The following TEAD4 variants were observed in gnomAD, a reference collection of about 807,000 sequenced individuals.
TEAD4 encodes transcriptional enhancer factor TEF-3.
TEAD4 carries 36 observed loss-of-function variants against 52.4 expected under a neutral mutation model. That is an observed-to-expected ratio of 0.69 (90% CI 0.53 to 0.91). The LOEUF is 0.91. TEAD4 is among the 40% of genes least tolerant of loss of function. The probability of loss-of-function intolerance (pLI) is 0.00; values close to 1 mark genes in which losing one functional copy is unlikely to be tolerated. For missense variants in TEAD4, 508 were observed against 583.9 expected (o/e 0.87, Z 1.34); for synonymous variants, 220 against 231.0 (o/e 0.95, Z 0.43).
At chr12:3,036,601 C>T (rs899093355) in intron 10 of TEAD4, among the ~76,000 whole-genome samples, 21 of 152,326 alleles carry the variant, frequency 1.4e-4, no homozygotes, top group African/African-American at 5.1e-4. Flanking sequence ...CGTAGGGCTG[C>T]GCTCTGGGCA....
At chr12:3,015,011 G>A (rs934461374) in intron 5 of TEAD4, among the ~76,000 whole-genome samples, 1 of 152,166 alleles carries the variant, frequency 6.6e-6, no homozygotes, top group Admixed American at 6.5e-5. Context: ...CAAGTGTCCT[G>A]GGAGGAGACA....
chr12:3,028,950 T>A (rs1263583535), intron 10 of TEAD4, among the ~76,000 whole-genome samples: 1 of 152,274 alleles, frequency 6.6e-6, no homozygotes, highest in South Asian at 2.1e-4. Context: ...ATTTTTATAA[T>A]AAATTGGGTT....
chr12:3,016,677 T>C (rs758479940), intron 5 of TEAD4, among the ~76,000 whole-genome samples: 1 of 152,100 alleles, frequency 6.6e-6, no homozygotes. Context: ...TGTTGTGTCA[T>C]TGGTTTTGAA....
intron 4 of TEAD4, 21 bp downstream of exon 4, chr12:3,011,089 A>G (rs1021658811): frequency 1.2e-6 from 2 of 1,613,894 alleles, no homozygotes; most frequent in Admixed American, 1.7e-5. Flanking sequence ...AGAGACGGGT[A>G]GGGGTCCCGG....
At chr12:3,007,014 G>A (rs2098256475) in intron 3 of TEAD4, among the ~76,000 whole-genome samples, 1 of 152,174 alleles carries the variant, frequency 6.6e-6, no homozygotes, top group Admixed American at 6.5e-5. Flanking sequence ...GCGACAGCGA[G>A]ACTCCCTCTC....
At chr12:3,014,062 C>A (rs1308004657) in intron 5 of TEAD4, among the ~76,000 whole-genome samples, 1 of 152,210 alleles carries the variant, frequency 6.6e-6, no homozygotes, top group Non-Finnish European at 1.5e-5. Context: ...CTCCTGCCAT[C>A]AGCCCAGCTG....
chr12:2,960,199 A>C, intron 2 of TEAD4, 159 bp downstream of exon 2: 9 of 700,270 alleles, frequency 1.3e-5, no homozygotes, highest in Non-Finnish European at 1.6e-5. Context: ...AGGGGCGGGT[A>C]AGGGGGGTGG....
intron 10 of TEAD4, among the ~76,000 whole-genome samples, chr12:3,033,549 T>C (rs992766576): frequency 3.3e-5 from 5 of 152,158 alleles, no homozygotes; most frequent in African/African-American, 1.2e-4. Context: ...CTTCCTCCCA[T>C]CTCAGCCTGC....
chr12:3,013,565 C>G (rs1038916654), intron 5 of TEAD4, among the ~76,000 whole-genome samples: 1 of 152,130 alleles, frequency 6.6e-6, no homozygotes, highest in Non-Finnish European at 1.5e-5. Flanking sequence ...GAAACCCTGT[C>G]TCTACTAAAA....
In TEAD4 at chr12:3,003,342, C is replaced by T. The variant is rs138635738; in HGVS notation, c.227-7662C>T. Among the ~76,000 whole-genome samples, 21 of 152,236 alleles carry T rather than the reference C, an allele frequency of 1.4e-4. 1 individual carries two copies. The East Asian group carries it at 3.1e-3, about 22-fold the overall frequency. On this transcript the variant is annotated intron_variant, in intron 3 of 12. Transcript: ENST00000359864. ...CTTGCTGGCCCTCTGCTGAGTGGTG[C>T]GTGCTTTACTTACTCCATGCCATTT... is the stretch of plus-strand genomic sequence containing the variant.
chr12:3,008,467 T>C (rs1565540395), intron 3 of TEAD4, among the ~76,000 whole-genome samples: 2 of 152,170 alleles, frequency 1.3e-5, no homozygotes, highest in Non-Finnish European at 2.9e-5. Flanking sequence ...ACTTGGACAC[T>C]GTTAATCTGG....
chr12:3,012,102 C>T, intron 4 of TEAD4, 68 bp from the exon 5 acceptor site: 1 of 1,556,072 alleles, frequency 6.4e-7, no homozygotes, highest in South Asian at 1.1e-5. Flanking sequence ...GGGCGAGAGT[C>T]AGGAAGCCAG....
At chr12:3,018,993 C>T (rs890290343) in intron 7 of TEAD4, 122 bp from the exon 8 acceptor site, 76 of 1,238,958 alleles carry the variant, frequency 6.1e-5, no homozygotes, top group Non-Finnish European at 8.1e-5. Context: ...GAGGCCAAGG[C>T]CCATCGGGAC....
rs1029023089 is a variant in TEAD4, at chr12:2,959,552, G to T, written c.-123+71G>T. On this transcript the variant is annotated intron_variant, in intron 1 of 12. Transcript: ENST00000359864. The surrounding 1 kb of genome is among the most constrained non-coding windows in gnomAD (Gnocchi z 5.1). ...CCGCGCGCCCCACGCCGCCGCAGCC[G>T]ACCGCTCGCGCCGCGTGCTCGGCTG... The T allele has an allele frequency of 2.0e-5, 3 of 149,384 alleles. No homozygotes were observed. The South Asian group carries it at 5.5e-4, about 27-fold the overall frequency. The allele number at this position is 149,384 out of a possible 1,614,324, so 9.3% of individuals were successfully genotyped here.
At position 2,991,395 on chromosome 12, in the gene TEAD4, C is replaced by T. The variant is rs569455670; in HGVS notation, c.-29-3343C>T. ...GTTTGTTTCAGGCTGGGCATGATGG[C>T]TCACGCCTGTGATTTCAGCACTTTG... On this transcript the variant is annotated intron_variant, in intron 2 of 12. Coordinates refer to ENST00000359864, the MANE Select transcript of TEAD4 (RefSeq NM_003213.4). Among the ~76,000 whole-genome samples the T allele has an allele frequency of 7.2e-5, 11 of 152,302 alleles. No individual in the cohort carries two copies. In the South Asian group the frequency reaches 1.0e-3, roughly 14 times the overall value.
At chr12:2,971,810 CTTTCT>C (rs2098225328) in intron 2 of TEAD4, among the ~76,000 whole-genome samples, 1 of 125,182 alleles carries the variant, frequency 8.0e-6, no homozygotes. Flanking sequence ...TTTTTTCTTT[CTTTCT>C]TTTTTTTTTT....
intron 3 of TEAD4, among the ~76,000 whole-genome samples, chr12:3,008,260 G>A (rs987194814): frequency 3.9e-5 from 6 of 152,202 alleles, no homozygotes; most frequent in African/African-American, 1.4e-4. Context: ...CACCCAAGGG[G>A]TGCAGGTGGT....
At chr12:3,019,061 T>G (rs551473387) in intron 7 of TEAD4, 54 bp from the exon 8 acceptor site, 1 of 1,600,514 alleles carries the variant, frequency 6.2e-7, no homozygotes, top group South Asian at 1.1e-5. Context: ...AGTGCAGGGA[T>G]CCGGGGCGGT....
intron 2 of TEAD4, among the ~76,000 whole-genome samples, chr12:2,990,932 G>A (rs545828722): frequency 1.3e-5 from 2 of 152,298 alleles, no homozygotes; most frequent in African/African-American, 4.8e-5. Flanking sequence ...AGGCATGGTG[G>A]CTCACTCCAT....
Sources: allele counts gnomAD v4.1 joint callset (sites outside exome capture counted in the v4.1 genomes callset), GRCh38; gene constraint gnomAD v4.1.1; non-coding constraint Gnocchi (gnomAD v3.1); transcripts MANE v1.5; gene names NCBI Gene and HGNC (gene_info 2026-07-23, HGNC 2026-07-21).